The following KCNIP1 variants were observed in gnomAD, a reference collection of about 807,000 sequenced individuals.
KCNIP1 encodes the protein potassium voltage-gated channel interacting protein 1.
In KCNIP1, 18 loss-of-function variants were observed where a neutral mutation model predicts 33.0. The observed-to-expected ratio is 0.55, with a 90% CI of 0.38 to 0.81. The LOEUF is 0.81. Among genes scored for constraint, KCNIP1 ranks in the 30% least tolerant of loss-of-function variants. KCNIP1 has a pLI of 0.00. For synonymous variants in KCNIP1, 93 were observed against 98.3 expected, an observed-to-expected ratio of 0.95 and a Z score of 0.32; for missense variants, 238 against 271.6, an observed-to-expected ratio of 0.88 and a Z score of 0.87.
chr5:170,478,565 T>A (rs571396982), intron 1 of KCNIP1, among the ~76,000 whole-genome samples: 27 of 152,240 alleles, frequency 1.8e-4, no homozygotes, highest in Admixed American at 5.9e-4. Context: ...TCCGAAGGCT[T>A]ACTGCAAGAC....
At chr5:170,400,606 TG>T (rs1424019414) in intron 1 of KCNIP1, among the ~76,000 whole-genome samples, 1 of 152,218 alleles carries the variant, frequency 6.6e-6, no homozygotes, top group Admixed American at 6.5e-5. Context: ...ATCACCAACA[TG>T]TGCCAAGAAC....
intron 1 of KCNIP1, among the ~76,000 whole-genome samples, chr5:170,699,071 G>A (rs872436): frequency 0.23 from 34,192 of 151,940 alleles, 5,225 homozygotes; most frequent in East Asian, 0.81. Flanking sequence ...AGTTCTCCAC[G>A]TTTGCCCTTT....
intron 1 of KCNIP1, among the ~76,000 whole-genome samples, chr5:170,684,267 A>C (rs1190827039): frequency 6.6e-6 from 1 of 152,204 alleles, no homozygotes; most frequent in East Asian, 1.9e-4. Flanking sequence ...AAATTACTAC[A>C]AACTGGGTGG....
chr5:170,540,737 C>T (rs1290583857), intron 1 of KCNIP1, among the ~76,000 whole-genome samples: 2 of 152,142 alleles, frequency 1.3e-5, no homozygotes, highest in Non-Finnish European at 2.9e-5. Context: ...GTGGCTTTTT[C>T]TTCCAAACCA....
In KCNIP1 at chr5:170,504,338, GT is replaced by G; in HGVS notation, c.-233del. ...GGCCGGGTCCTCGCGCGGGGAAGCGGTTCCGAAGGCTCGCGGGGAGCGGCTA... is the reference window on the plus strand; with the variant it reads ...GGCCGGGTCCTCGCGCGGGGAAGCGGTCCGAAGGCTCGCGGGGAGCGGCTA... On this transcript the variant is annotated 5_prime_UTR_variant, in exon 1 of 8. An upstream open reading frame in the 5' UTR loses its in-frame stop. Coordinates refer to ENST00000328939, the MANE Select transcript of KCNIP1 (RefSeq NM_014592.4). The surrounding 1 kb of genome is among the most constrained non-coding windows in gnomAD (Gnocchi z 6.0). 1 of 1,389,008 alleles carries G rather than the reference GT, an allele frequency of 7.2e-7. No homozygotes were observed. Among genetic ancestry groups the G allele is most frequent in the Non-Finnish European group, 9.3e-7 (1 of 1,076,830 alleles). 86.0% of individuals were successfully genotyped at this position (1,389,008 alleles called of 1,614,324 possible). A position where few individuals can be genotyped will look rare whatever the true frequency, so the allele number is the denominator to read the frequency against.
intron 1 of KCNIP1, among the ~76,000 whole-genome samples, chr5:170,661,245 G>A (rs1391787924): frequency 6.6e-6 from 1 of 152,152 alleles, no homozygotes; most frequent in Non-Finnish European, 1.5e-5. Context: ...CACATGGGGG[G>A]GCCCACACAG....
intron 1 of KCNIP1, among the ~76,000 whole-genome samples, chr5:170,476,701 G>A (rs979335205): frequency 6.6e-6 from 1 of 152,102 alleles, no homozygotes; most frequent in African/African-American, 2.4e-5. Context: ...ACAGAAAATC[G>A]CCTGTTTCTG....
chr5:170,433,932 C>T (rs944163198), intron 1 of KCNIP1, among the ~76,000 whole-genome samples: 4 of 152,210 alleles, frequency 2.6e-5, no homozygotes, highest in Non-Finnish European at 5.9e-5. Context: ...TTTCCTGTCT[C>T]CATGCAGAGG....
intron 1 of KCNIP1, among the ~76,000 whole-genome samples, chr5:170,606,042 T>C (rs1758903959): frequency 6.6e-6 from 1 of 152,204 alleles, no homozygotes; most frequent in South Asian, 2.1e-4. Flanking sequence ...CTCAAAGTGG[T>C]GGGATTACAG....
intron 1 of KCNIP1, among the ~76,000 whole-genome samples, chr5:170,554,610 T>A (rs1288825108): frequency 6.6e-6 from 1 of 152,170 alleles, no homozygotes; most frequent in Non-Finnish European, 1.5e-5. Context: ...CTTCCCCAAG[T>A]GGAGATTCAC....
chr5:170,674,489 T>A (rs967878094), intron 1 of KCNIP1, among the ~76,000 whole-genome samples: 1 of 152,294 alleles, frequency 6.6e-6, no homozygotes, highest in East Asian at 1.9e-4. Context: ...TATTCCTCCC[T>A]GCCGGGAGGC....
intron 1 of KCNIP1, among the ~76,000 whole-genome samples, chr5:170,648,137 T>C (rs1449093810): frequency 6.6e-6 from 1 of 152,074 alleles, no homozygotes; most frequent in Non-Finnish European, 1.5e-5. Flanking sequence ...AAAATGTAGG[T>C]GAGAATGTGG....
chr5:170,631,466 C>T (rs1426171702), intron 1 of KCNIP1, among the ~76,000 whole-genome samples: 7 of 152,064 alleles, frequency 4.6e-5, no homozygotes, highest in Non-Finnish European at 8.8e-5. Context: ...CCATTTCAAA[C>T]GCTTTTTGAA....
upstream of KCNIP1, among the ~76,000 whole-genome samples, chr5:170,502,458 G>A (rs1757432544): frequency 6.6e-6 from 1 of 152,200 alleles, no homozygotes; most frequent in South Asian, 2.1e-4. Context: ...TCAACTCTGT[G>A]CCTATGTGGC....
intron 1 of KCNIP1, among the ~76,000 whole-genome samples, chr5:170,598,791 G>A (rs1177112201): frequency 2.0e-5 from 3 of 152,160 alleles, no homozygotes; most frequent in South Asian, 2.1e-4. Context: ...CCATGTAGGG[G>A]CAGGAGCTTC....
At chr5:170,711,006 ATG>A (rs1763425698) in intron 1 of KCNIP1, among the ~76,000 whole-genome samples, 1 of 152,256 alleles carries the variant, frequency 6.6e-6, no homozygotes, top group Admixed American at 6.5e-5. Flanking sequence ...TGTGTTATAT[ATG>A]GTACATGCTG....
intron 1 of KCNIP1, among the ~76,000 whole-genome samples, chr5:170,649,126 A>G (rs574502356): frequency 1.3e-5 from 2 of 152,336 alleles, no homozygotes; most frequent in South Asian, 4.1e-4. Flanking sequence ...TATGACCCCA[A>G]AATGACCTAA....
At chr5:170,672,745 AG>A (rs1336952036) in intron 1 of KCNIP1, among the ~76,000 whole-genome samples, 4 of 152,312 alleles carry the variant, frequency 2.6e-5, no homozygotes, top group Admixed American at 6.5e-5. Context: ...CCCAGGAGGG[AG>A]GGGGGCAGAA....
chr5:170,557,414 C>A (rs1166613772), intron 1 of KCNIP1, among the ~76,000 whole-genome samples: 1 of 152,158 alleles, frequency 6.6e-6, no homozygotes, highest in African/African-American at 2.4e-5. Context: ...GTACCTCATG[C>A]CTTCTTCCCC....
Sources: allele counts gnomAD v4.1 joint callset (sites outside exome capture counted in the v4.1 genomes callset), GRCh38; gene constraint gnomAD v4.1.1; non-coding constraint Gnocchi (gnomAD v3.1); transcripts MANE v1.5; gene names NCBI Gene and HGNC (gene_info 2026-07-23, HGNC 2026-07-21).